Variants in PHC2 observed in about 807,000 individuals in gnomAD.
PHC2 encodes the protein polyhomeotic homolog 2.
A neutral mutation model predicts 87.4 loss-of-function variants in PHC2; 29 were observed. The ratio of observed to expected loss-of-function variants is 0.33; its 90% confidence interval spans 0.25 to 0.45. The LOEUF (loss-of-function observed/expected upper bound fraction) is 0.45. PHC2 is among the 20% of genes least tolerant of loss of function. PHC2 has a pLI of 1.00. For missense variants in PHC2, 857 were observed against 1,136.7 expected (o/e 0.75, Z 3.54); for synonymous variants, 438 against 461.7 (o/e 0.95, Z 0.66).
Position 33,334,374 on chromosome 1 carries a change from A to ACTG in PHC2, c.1559-85_1559-83dup. Reference sequence around the variant, plus strand: ...CCAGGGAGGGACAGCAAGGACTCAAACTGCGCCCGGCTTTTACCGTGGGGC... The same window carrying ACTG: ...CCAGGGAGGGACAGCAAGGACTCAAACTGCTGCGCCCGGCTTTTACCGTGGGGC... On this transcript the variant is annotated intron_variant, in intron 9 of 14. Transcript: ENST00000683057. This position sits in a 1 kb window ranked among gnomAD's most constrained non-coding sequence, Gnocchi z 5.5. 7.8e-7 allele frequency: 1 copy of ACTG among 1,283,774 alleles called. No individual in the cohort carries two copies. The highest frequency in any genetic ancestry group is 2.1e-5 in the Admixed American group (1 of 48,448). 79.5% of individuals were successfully genotyped at this position (1,283,774 alleles called of 1,614,324 possible).
rs945708361 is a variant in PHC2, at chr1:33,368,277, C to T, written c.663+259G>A. 6.6e-6 allele frequency among the ~76,000 whole-genome samples: 1 copy of T among 152,230 alleles called. No homozygotes were observed. Among genetic ancestry groups the T allele is most frequent in the Non-Finnish European group, 1.5e-5 (1 of 68,026 alleles). On this transcript the variant is annotated intron_variant, in intron 6 of 14. Transcript: ENST00000683057. The surrounding 1 kb of genome is among the most constrained non-coding windows in gnomAD (Gnocchi z 6.6). ...AAAGTATGGAGGGTAGCACAGCCCACCCCTCCCTGGCAAATCATGCTGGCC... is the reference window on the plus strand; with the variant it reads ...AAAGTATGGAGGGTAGCACAGCCCATCCCTCCCTGGCAAATCATGCTGGCC...
intron 7 of PHC2, among the ~76,000 whole-genome samples, chr1:33,365,703 G>A (rs1482304713): frequency 6.6e-6 from 1 of 152,226 alleles, no homozygotes; most frequent in East Asian, 1.9e-4. Flanking sequence ...TCCGTGGGGA[G>A]GTGCCTTTCT....
intron 9 of PHC2, among the ~76,000 whole-genome samples, chr1:33,339,347 G>A (rs1489053233): frequency 6.6e-6 from 1 of 152,160 alleles, no homozygotes; most frequent in Non-Finnish European, 1.5e-5. Flanking sequence ...AGATTTACAA[G>A]TTGCTTTCTG....
At chr1:33,339,165 CCACT>C (rs977060398) in intron 9 of PHC2, among the ~76,000 whole-genome samples, 84 of 152,272 alleles carry the variant, frequency 5.5e-4, no homozygotes, top group Admixed American at 3.6e-3. Flanking sequence ...CAGGGGGCTA[CCACT>C]CACTCAGTCA....
Position 33,331,310 on chromosome 1 carries a change from G to A in PHC2, c.2006+38C>T, listed in dbSNP as rs1023995908. 8.2e-6 allele frequency: 9 copies of A among 1,103,146 alleles called. No individual in the cohort carries two copies. The highest frequency in any genetic ancestry group is 1.2e-5 in the Non-Finnish European group (9 of 723,436). 68.3% of individuals were successfully genotyped at this position (1,103,146 alleles called of 1,614,324 possible). On this transcript the variant is annotated intron_variant, in intron 12 of 14. Transcript: ENST00000683057. The surrounding 1 kb of genome is among the most constrained non-coding windows in gnomAD (Gnocchi z 5.2). ...AATGGCAGGAGGTGGGACATAAAGT[G>A]CAGTCCTGGGGAAATGGAGGGGGCT...
rs547573667 is a variant in PHC2 at position 33,382,265 on chromosome 1, G to A, written c.-54-6672C>T. ...AAAGTTCTGGCTGCTGGAGAGTAGC[G>A]GAGGCATTCTGCAGTCTCAGTAAGG... On this transcript the variant is annotated intron_variant, in intron 1 of 14. Coordinates refer to ENST00000683057, the MANE Select transcript of PHC2 (RefSeq NM_001385109.1). The surrounding 1 kb of genome is among the most constrained non-coding windows in gnomAD (Gnocchi z 4.3). 1.1e-4 allele frequency among the ~76,000 whole-genome samples: 16 copies of A among 152,076 alleles called. No individual in the cohort carries two copies. Among genetic ancestry groups the A allele is most frequent in the Non-Finnish European group, 1.8e-4 (12 of 68,000 alleles).
chr1:33,328,793 C>T (rs1335359872), intron 14 of PHC2, 77 bp downstream of exon 14: 2 of 1,419,388 alleles, frequency 1.4e-6, no homozygotes, highest in African/African-American at 1.4e-5. Flanking sequence ...CTACCTAATC[C>T]TCCTGGTGGT....
chr1:33,398,566 G>C (rs1649387793), intron 1 of PHC2, among the ~76,000 whole-genome samples: 1 of 152,076 alleles, frequency 6.6e-6, no homozygotes, highest in Non-Finnish European at 1.5e-5. Flanking sequence ...GTATCTTAAA[G>C]TATCTGGGCT....
chr1:33,401,325 C>CA (rs1225077600), intron 1 of PHC2, among the ~76,000 whole-genome samples: 63 of 143,804 alleles, frequency 4.4e-4, no homozygotes, highest in Admixed American at 2.1e-3. Context: ...GACTCCGTCT[C>CA]AAAAAAAAAA....
intron 9 of PHC2, among the ~76,000 whole-genome samples, chr1:33,348,336 C>T (rs1191626067): frequency 6.6e-6 from 1 of 152,146 alleles, no homozygotes. Flanking sequence ...AATTTCCTTG[C>T]CTCATTAGCC....
chr1:33,392,167 GCACACA>G (rs145325204), intron 1 of PHC2, among the ~76,000 whole-genome samples: 5 of 150,340 alleles, frequency 3.3e-5, no homozygotes, highest in East Asian at 3.9e-4. Flanking sequence ...ACACATACGT[GCACACA>G]CACACACACA....
At chr1:33,325,234 A>G (rs182456066) in intron 14 of PHC2, 90 of 547,862 alleles carry the variant, frequency 1.6e-4, no homozygotes, top group East Asian at 1.5e-3. Flanking sequence ...GCCTCCTCCT[A>G]TGTTCCCCTG....
At chr1:33,408,358 C>A (rs1649846894) in intron 1 of PHC2, among the ~76,000 whole-genome samples, 1 of 152,198 alleles carries the variant, frequency 6.6e-6, no homozygotes, top group Admixed American at 6.5e-5. Context: ...AATGGAGCTG[C>A]ACTAGTTTGC....
chr1:33,325,918 G>A (rs1468703449), intron 14 of PHC2: 1 of 456,662 alleles, frequency 2.2e-6, no homozygotes, highest in South Asian at 1.5e-5. Context: ...TTGAGAGACT[G>A]TATATAGAAG....
At chr1:33,347,007 C>T in intron 9 of PHC2, 7 of 985,446 alleles carry the variant, frequency 7.1e-6, no homozygotes, top group Non-Finnish European at 8.4e-6. Context: ...GATCATCCAT[C>T]TACTTACTCC....
chr1:33,348,210 C>A (rs932751726), intron 9 of PHC2, among the ~76,000 whole-genome samples: 2 of 152,176 alleles, frequency 1.3e-5, no homozygotes, highest in Non-Finnish European at 2.9e-5. Flanking sequence ...GCCCTACATC[C>A]CTTGTGACCT....
chr1:33,430,161 G>A (rs528276503), intron 1 of PHC2, among the ~76,000 whole-genome samples: 2 of 152,166 alleles, frequency 1.3e-5, no homozygotes, highest in Admixed American at 6.5e-5. Flanking sequence ...CGCCTTATAA[G>A]AAATTTGTTA....
Position 33,334,377 on chromosome 1 carries a change from G to A in PHC2, c.1559-85C>T. On this transcript the variant is annotated intron_variant, in intron 9 of 14. Transcript: ENST00000683057. This position sits in a 1 kb window ranked among gnomAD's most constrained non-coding sequence, Gnocchi z 5.5. ...GGGAGGGACAGCAAGGACTCAAACT[G>A]CGCCCGGCTTTTACCGTGGGGCCAA... The A allele has an allele frequency of 7.9e-7, 1 of 1,261,588 alleles. No homozygotes were observed. Among genetic ancestry groups the A allele is most frequent in the Non-Finnish European group, 1.1e-6 (1 of 886,726 alleles). 78.1% of individuals were successfully genotyped at this position (1,261,588 alleles called of 1,614,324 possible). A position where few individuals can be genotyped will look rare whatever the true frequency, so the allele number is the denominator to read the frequency against.
At chr1:33,428,856 C>G (rs1449869093) in intron 1 of PHC2, among the ~76,000 whole-genome samples, 2 of 152,196 alleles carry the variant, frequency 1.3e-5, no homozygotes, top group African/African-American at 4.8e-5. Flanking sequence ...TCTGGCAGAT[C>G]CACCGCTGTT....
Sources: gnomAD v4.1 joint callset for allele counts (sites outside exome capture counted in the v4.1 genomes callset) on GRCh38, gnomAD v4.1.1 for gene constraint, Gnocchi (gnomAD v3.1) non-coding constraint, MANE v1.5 for transcripts, NCBI Gene and HGNC (gene_info 2026-07-23, HGNC 2026-07-21) for gene names.